Variants in VPS13B observed in about 807,000 individuals in gnomAD.
VPS13B encodes vacuolar protein sorting 13 homolog B.
In VPS13B, 285 loss-of-function variants were observed where a neutral mutation model predicts 426.4. That is an observed-to-expected ratio of 0.67 (90% CI 0.61 to 0.74). The LOEUF (loss-of-function observed/expected upper bound fraction) is 0.74, where lower values mean the gene tolerates loss of function less well. Among genes scored for constraint, VPS13B ranks in the 30% least tolerant of loss-of-function variants. VPS13B has a pLI of 0.00. For synonymous variants in VPS13B, 1,676 were observed against 1,676.4 expected (o/e 1.00, Z 0.01); for missense variants, 4,537 against 4,782.6 (o/e 0.95, Z 1.51).
intron 17 of VPS13B, among the ~76,000 whole-genome samples, chr8:99,201,769 C>G (rs1376868103): frequency 6.6e-6 from 1 of 152,074 alleles, no homozygotes; most frequent in Non-Finnish European, 1.5e-5. Flanking sequence ...CATATAAATA[C>G]TGGTTTAGTG....
intron 41 of VPS13B, among the ~76,000 whole-genome samples, chr8:99,777,551 G>A (rs1811804746): frequency 6.6e-6 from 1 of 152,194 alleles, no homozygotes; most frequent in Admixed American, 6.5e-5. Context: ...TTCAAGATGA[G>A]ATTTGGGTGG....
intron 33 of VPS13B, among the ~76,000 whole-genome samples, chr8:99,633,806 G>GGTGTGTGT (rs139474452): frequency 0.11 from 15,154 of 143,710 alleles, 930 homozygotes; most frequent in African/African-American, 0.15. Flanking sequence ...GAATGTGTCA[G>GGTGTGTGT]GTGTGTGTGT....
intron 29 of VPS13B, 65 bp downstream of exon 29, chr8:99,511,577 G>A (rs919323168): frequency 3.3e-6 from 5 of 1,519,486 alleles, no homozygotes; most frequent in Non-Finnish European, 4.4e-6. Flanking sequence ...TTAGTTTTCT[G>A]GGTTTTTTTG....
chr8:99,326,452 C>CTTTTTTTTTTTTT (rs747097247), intron 19 of VPS13B, among the ~76,000 whole-genome samples: 514 of 32,524 alleles, frequency 0.016, 178 homozygotes, highest in Middle Eastern at 0.077. Flanking sequence ...CTCTAGGTAG[C>CTTTTTTTTTTTTT]TTTTTTTTTT....
Position 99,038,551 on chromosome 8 carries a change from T to A in VPS13B, c.276T>A (p.Leu92=). The A allele has an allele frequency of 6.2e-7, 1 of 1,612,788 alleles. No individual in the cohort carries two copies. The highest frequency in any genetic ancestry group is 8.5e-7 in the Non-Finnish European group (1 of 1,179,262). ...ATACTATGGAATGCATTTTGAAACTTAAGGATGGGATACAGGTAAGAAATT... is the reference window on the plus strand; with the variant it reads ...ATACTATGGAATGCATTTTGAAACTAAAGGATGGGATACAGGTAAGAAATT... ...TINTMECILK[L]KDGIQDDHES... is the part of the protein sequence containing the mutation. The change falls in exon 3 of 62, where the codon CTT becomes CTA. Residue 92 remains leucine (L), a synonymous_variant. Coordinates refer to ENST00000357162, the MANE Select transcript of VPS13B (RefSeq NM_152564.5).
intron 5 of VPS13B, 77 bp downstream of exon 5, chr8:99,103,197 C>T: frequency 1.3e-6 from 2 of 1,514,834 alleles, no homozygotes; most frequent in Non-Finnish European, 1.8e-6. Context: ...TTCTTTGGGC[C>T]AACTGAGTTG....
intron 43 of VPS13B, among the ~76,000 whole-genome samples, chr8:99,794,036 G>A (rs958966286): frequency 2.6e-5 from 4 of 152,194 alleles, no homozygotes; most frequent in African/African-American, 9.7e-5. Context: ...AGGTAGGAAA[G>A]ATAGCTTGAG....
intron 27 of VPS13B, among the ~76,000 whole-genome samples, chr8:99,505,153 G>A (rs896049866): frequency 6.6e-6 from 1 of 152,188 alleles, no homozygotes; most frequent in East Asian, 1.9e-4. Context: ...ACAGAATGGT[G>A]TGTCTGGTTT....
At chr8:99,278,144 C>T (rs1255837614) in intron 19 of VPS13B, among the ~76,000 whole-genome samples, 1 of 152,098 alleles carries the variant, frequency 6.6e-6, no homozygotes, top group Non-Finnish European at 1.5e-5. Flanking sequence ...ATCATACTAA[C>T]TGGCTTTTTT....
chr8:99,819,853 A>G, intron 48 of VPS13B, 68 bp from the exon 49 acceptor site: 1 of 1,574,032 alleles, frequency 6.4e-7, no homozygotes, highest in Non-Finnish European at 8.7e-7. Flanking sequence ...TGGAATCTTT[A>G]AACATATTTC....
chr8:99,832,796 C>A, intron 52 of VPS13B, 144 bp downstream of exon 52: 1 of 842,604 alleles, frequency 1.2e-6, no homozygotes, highest in Non-Finnish European at 1.8e-6. Context: ...ACATTGTATA[C>A]AGTGGGTCAA....
intron 16 of VPS13B, among the ~76,000 whole-genome samples, chr8:99,170,408 T>A (rs961081707): frequency 1.3e-5 from 2 of 151,996 alleles, no homozygotes; most frequent in African/African-American, 4.8e-5. Context: ...TCATGTTGGA[T>A]GTGTGTAAAA....
intron 34 of VPS13B, among the ~76,000 whole-genome samples, chr8:99,646,376 G>A (rs570993629): frequency 2.6e-5 from 4 of 152,130 alleles, no homozygotes; most frequent in African/African-American, 9.6e-5. Context: ...AATTGTAATT[G>A]CCACCAGTTG....
At chr8:99,793,275 ATATATATAT>A (rs1186422555) in intron 43 of VPS13B, among the ~76,000 whole-genome samples, 2 of 145,038 alleles carry the variant, frequency 1.4e-5, no homozygotes, top group East Asian at 4.0e-4. Flanking sequence ...ATATATATAT[ATATATATAT>A]AAAATACATG....
chr8:99,280,244 T>C (rs747446311), intron 19 of VPS13B, among the ~76,000 whole-genome samples: 3 of 152,208 alleles, frequency 2.0e-5, no homozygotes, highest in Non-Finnish European at 2.9e-5. Flanking sequence ...TATACCTGTT[T>C]ATTTCCAGCT....
Position 99,641,888 on chromosome 8 carries a change from T to C in VPS13B, c.5298T>C (p.Ala1766=). ...MAETSSRYSG[A]QDSGIGSDSV... The stretch of plus-strand genomic sequence containing the variant: ...AAACCTCATCTCGCTACAGTGGTGC[T>C]CAGGATAGTGGAATTGGCAGTGACA... The change falls in exon 34 of 62, where the codon GCT becomes GCC. Residue 1766 remains alanine, a synonymous_variant. Coordinates refer to ENST00000357162, the MANE Select transcript of VPS13B (RefSeq NM_152564.5). 1 of 1,614,070 alleles carries C rather than the reference T, an allele frequency of 6.2e-7. No individual in the cohort carries two copies. The highest frequency in any genetic ancestry group is 8.5e-7 in the Non-Finnish European group (1 of 1,180,000).
At chr8:99,268,541 C>T (rs180749922) in intron 17 of VPS13B, among the ~76,000 whole-genome samples, 5 of 152,124 alleles carry the variant, frequency 3.3e-5, no homozygotes, top group Admixed American at 2.6e-4. Flanking sequence ...TTAATGACTG[C>T]CCTATTGGAT....
chr8:99,077,409 A>T (rs1482736447), intron 3 of VPS13B, among the ~76,000 whole-genome samples: 2 of 151,716 alleles, frequency 1.3e-5, no homozygotes, highest in Non-Finnish European at 2.9e-5. Context: ...ACTTCATGTG[A>T]TCTGCCTGCC....
At chr8:99,837,161 G>C (rs954690701) in intron 54 of VPS13B, among the ~76,000 whole-genome samples, 4 of 152,302 alleles carry the variant, frequency 2.6e-5, no homozygotes, top group Non-Finnish European at 1.5e-5. Flanking sequence ...AAAGAGAGGG[G>C]CCTGAGAAGA....
Sources: gnomAD v4.1 joint callset for allele counts (sites outside exome capture counted in the v4.1 genomes callset) on GRCh38, gnomAD v4.1.1 for gene constraint, MANE v1.5 for transcripts, NCBI Gene and HGNC (gene_info 2026-07-23, HGNC 2026-07-21) for gene names.